Variants in SCN2A observed in about 807,000 individuals in gnomAD.
The protein encoded by SCN2A is sodium voltage-gated channel alpha subunit 2, also known as sodium channel protein type 2 subunit alpha.
SCN2A carries 20 observed loss-of-function variants against 188.7 expected under a neutral mutation model. That is an observed-to-expected ratio of 0.11 (90% confidence interval 0.07 to 0.15). The LOEUF is 0.15. SCN2A is among the 10% of genes least tolerant of loss of function. The pLI is 1.00. For synonymous variants in SCN2A, 804 were observed against 833.1 expected, an observed-to-expected ratio of 0.97 and a Z score of 0.60; for missense variants, 1,278 against 2,445.0, an observed-to-expected ratio of 0.52 and a Z score of 10.07.
intron 25 of SCN2A, among the ~76,000 whole-genome samples, chr2:165,384,677 A>G (rs1012167420): frequency 1.3e-5 from 2 of 152,132 alleles, no homozygotes; most frequent in Non-Finnish European, 2.9e-5. Flanking sequence ...AGAAAACTAA[A>G]ATTGAATAAG....
At chr2:165,256,999 C>T (rs905698376) in intron 1 of SCN2A, among the ~76,000 whole-genome samples, 4 of 151,962 alleles carry the variant, frequency 2.6e-5, no homozygotes, top group East Asian at 1.9e-4. Context: ...TAACTTTGCT[C>T]ATTTAAATAT....
chr2:165,367,388 C>G lies in SCN2A; in HGVS notation c.3675+17C>G. The G allele has an allele frequency of 6.2e-7, 1 of 1,613,276 alleles. No homozygotes were observed. The highest frequency in any genetic ancestry group is 8.5e-7 in the Non-Finnish European group (1 of 1,179,238). On this transcript the variant is annotated intron_variant, in intron 19 of 26. Transcript: ENST00000375437. ...GGGGCTCTGGTAGGTGATGCATGAT[C>G]CACTCCTTCACCTTTCATCTGAAAT... is the stretch of plus-strand genomic sequence containing the variant.
At chr2:165,306,719 C>A (rs900312852) in intron 3 of SCN2A, among the ~76,000 whole-genome samples, 2 of 151,766 alleles carry the variant, frequency 1.3e-5, no homozygotes, top group East Asian at 3.9e-4. Context: ...GTACTAGATG[C>A]AAATGAACTT....
In SCN2A at chr2:165,370,183, G is replaced by A. The variant is rs746995859; in HGVS notation, c.3733G>A (p.Ala1245Thr). 6.2e-7 allele frequency: 1 copy of A among 1,614,050 alleles called. No individual in the cohort carries two copies. Among genetic ancestry groups the A allele is most frequent in the Admixed American group, 1.7e-5 (1 of 60,022 alleles). The change falls in exon 20 of 27, where the codon GCT (alanine) becomes ACT (threonine). Residue 1245 changes from alanine to threonine, a missense_variant. Transcript: ENST00000375437. Reference sequence around the variant, plus strand: ...AACCATTAAGACCATGTTAGAATATGCTGACAAGGTTTTCACTTACATATT... The same window carrying A: ...AACCATTAAGACCATGTTAGAATATACTGACAAGGTTTTCACTTACATATT... ...RKTIKTMLEY[A>T]DKVFTYIFIL...
At chr2:165,253,602 A>G (rs1174382060) in intron 1 of SCN2A, among the ~76,000 whole-genome samples, 9 of 152,262 alleles carry the variant, frequency 5.9e-5, no homozygotes, top group Non-Finnish European at 8.8e-5. Context: ...TGAGAACTGT[A>G]TACTTGCAAC....
In SCN2A at chr2:165,312,158, C is replaced by T. The variant is rs146355214; in HGVS notation, c.1034+70C>T. On this transcript the variant is annotated intron_variant, in intron 8 of 26. Transcript: ENST00000375437. ...AGTGTCAATAACCTGCCACCTCCCA[C>T]TCATCCAGTCCCACTCACTCCTCAC... 579 of 1,103,444 alleles carry T rather than the reference C, an allele frequency of 5.2e-4. 1 individual carries two copies. In the African/African-American group the frequency reaches 7.4e-3, roughly 14 times the overall value. 68.4% of individuals were successfully genotyped at this position (1,103,444 alleles called of 1,614,324 possible).
At position 165,289,124 on chromosome 2, in the gene SCN2A, TAATA is replaced by T. The variant is rs558096686; in HGVS notation, c.-51-6648_-51-6645del. Among the ~76,000 whole-genome samples the T allele has an allele frequency of 3.6e-4, 55 of 152,158 alleles. 2 individuals carry two copies. In the South Asian group the frequency reaches 0.011, roughly 32 times the overall value. ...AAATTATGTCCTCATCTATGAAATT[TAATA>T]TGCCATTTTCTTAGTATAAATTTAT... On this transcript the variant is annotated intron_variant, in intron 1 of 26. Coordinates refer to ENST00000375437, the MANE Select transcript of SCN2A (RefSeq NM_001040142.2).
chr2:165,297,650 C>A (rs1559344996), intron 3 of SCN2A, among the ~76,000 whole-genome samples: 1 of 152,154 alleles, frequency 6.6e-6, no homozygotes, highest in Non-Finnish European at 1.5e-5. Context: ...AGGTATAACA[C>A]CCTTTCAAAT....
At chr2:165,307,648 T>C (rs1292743106) in intron 3 of SCN2A, among the ~76,000 whole-genome samples, 200 bp from the exon 4 acceptor site, 1 of 152,062 alleles carries the variant, frequency 6.6e-6, no homozygotes, top group East Asian at 1.9e-4. Context: ...TCAAAATAGT[T>C]GATGGCTTGG....
intron 14 of SCN2A, among the ~76,000 whole-genome samples, chr2:165,337,946 T>G (rs1219178524): frequency 6.6e-6 from 1 of 152,194 alleles, no homozygotes; most frequent in Non-Finnish European, 1.5e-5. Context: ...TTCAGGGGTA[T>G]GTAGACAGCT....
chr2:165,377,946 C>G (rs1701397128), intron 23 of SCN2A, among the ~76,000 whole-genome samples: 1 of 151,622 alleles, frequency 6.6e-6, no homozygotes, highest in South Asian at 2.1e-4. Flanking sequence ...CTCTGATAGT[C>G]CTGGTCATTT....
At chr2:165,248,436 C>T (rs72872418) in intron 1 of SCN2A, among the ~76,000 whole-genome samples, 29,218 of 151,998 alleles carry the variant, frequency 0.19, 3,375 homozygotes, top group Non-Finnish European at 0.25. Context: ...AACCTTTTGC[C>T]TCAGGCACTT....
At chr2:165,350,378 G>A (rs1177195076) in intron 16 of SCN2A, among the ~76,000 whole-genome samples, 1 of 150,146 alleles carries the variant, frequency 6.7e-6, no homozygotes, top group Non-Finnish European at 1.5e-5. Context: ...ACAAGAAAGA[G>A]TTGATTTCAT....
rs1701137260 is a variant in SCN2A, at chr2:165,373,236, T to C, written c.3861T>C (p.Val1287=). 3 of 1,613,422 alleles carry C rather than the reference T, an allele frequency of 1.9e-6. No homozygotes were observed. The highest frequency in any genetic ancestry group is 2.5e-6 in the Non-Finnish European group (3 of 1,179,458). Residue 1287 remains valine (V), a synonymous_variant, in exon 21 of 27, where the codon GTT becomes GTC. Transcript: ENST00000375437. Reference sequence around the variant, plus strand: ...CTTTTTCTGTATAGGTCTCACTGGTTAGCTTAACTGCAAATGCCTTGGGTT... The same window carrying C: ...CTTTTTCTGTATAGGTCTCACTGGTCAGCTTAACTGCAAATGCCTTGGGTT... ...LDFLIVDVSL[V]SLTANALGYS... is the part of the protein sequence containing the mutation.
chr2:165,306,292 A>G (rs1369243944), intron 3 of SCN2A, among the ~76,000 whole-genome samples: 1 of 152,092 alleles, frequency 6.6e-6, no homozygotes, highest in African/African-American at 2.4e-5. Flanking sequence ...AAAATACAGG[A>G]CTGTGTTGAG....
At position 165,390,000 on chromosome 2, in the gene SCN2A, T is replaced by G; in HGVS notation, c.*176T>G. The G allele has an allele frequency of 8.0e-6, 8 of 999,780 alleles. No individual in the cohort carries two copies. The highest frequency in any genetic ancestry group is 1.1e-5 in the Non-Finnish European group (8 of 705,720). 61.9% of individuals were successfully genotyped at this position (999,780 alleles called of 1,614,324 possible). A position where few individuals can be genotyped will look rare whatever the true frequency, so the allele number is the denominator to read the frequency against. ...AGACCTCTGGTCAGCAAACTGGAACTCAGTAAACTGGAGAAATAGTATCGA... is the reference window on the plus strand; with the variant it reads ...AGACCTCTGGTCAGCAAACTGGAACGCAGTAAACTGGAGAAATAGTATCGA... On this transcript the variant is annotated 3_prime_UTR_variant, in exon 27 of 27. Transcript: ENST00000375437. This position sits in a 1 kb window ranked among gnomAD's most constrained non-coding sequence, Gnocchi z 4.2.
chr2:165,338,063 C>T (rs1699095601), intron 14 of SCN2A, among the ~76,000 whole-genome samples: 1 of 152,086 alleles, frequency 6.6e-6, no homozygotes, highest in South Asian at 2.1e-4. Flanking sequence ...TTCTCATCCT[C>T]CTTCCACCCT....
At chr2:165,281,967 C>T (rs1489127397) in intron 1 of SCN2A, among the ~76,000 whole-genome samples, 1 of 152,186 alleles carries the variant, frequency 6.6e-6, no homozygotes, top group Middle Eastern at 3.2e-3. Context: ...TTCAACACTA[C>T]CTGCACCCCT....
intron 11 of SCN2A, among the ~76,000 whole-genome samples, chr2:165,321,711 C>G (rs1201847718): frequency 6.6e-6 from 1 of 152,110 alleles, no homozygotes; most frequent in Non-Finnish European, 1.5e-5. Flanking sequence ...ACCATGAGAA[C>G]AGTATGGAGA....
Sources: gnomAD v4.1 joint callset for allele counts (sites outside exome capture counted in the v4.1 genomes callset) on GRCh38, gnomAD v4.1.1 for gene constraint, Gnocchi (gnomAD v3.1) non-coding constraint, MANE v1.5 for transcripts, NCBI Gene and HGNC (gene_info 2026-07-23, HGNC 2026-07-21) for gene names.